Variants in ANO1 observed in about 807,000 individuals in gnomAD.
ANO1 encodes the protein anoctamin-1.
In ANO1, 59 loss-of-function variants were observed where a neutral mutation model predicts 124.0. That is an observed-to-expected ratio of 0.48 (90% CI 0.39 to 0.59). The LOEUF is 0.59. Among genes scored for constraint, ANO1 ranks in the 20% least tolerant of loss-of-function variants. The probability of loss-of-function intolerance (pLI) is 0.00; values close to 1 mark genes in which losing one functional copy is unlikely to be tolerated. For missense variants in ANO1, 1,059 were observed against 1,328.0 expected (o/e 0.80, Z 3.15); for synonymous variants, 529 against 532.0 (o/e 0.99, Z 0.08).
the ANO1 span, among the ~76,000 whole-genome samples, chr11:69,966,157 T>C: frequency 6.6e-6 from 1 of 152,172 alleles, no homozygotes; most frequent in Admixed American, 6.5e-5. Context: ...CTCAGGGGGT[T>C]AATGCAGGCT....
At chr11:70,029,140 G>A in intron 1 of ANO1, among the ~76,000 whole-genome samples, 1 of 152,212 alleles carries the variant, frequency 6.6e-6, no homozygotes, top group Non-Finnish European at 1.5e-5. Context: ...CCCTGTGGGT[G>A]CTCGATGCAT....
chr11:70,030,372 C>T (rs752653993), intron 1 of ANO1, among the ~76,000 whole-genome samples: 2 of 152,180 alleles, frequency 1.3e-5, no homozygotes, highest in Admixed American at 6.5e-5. Flanking sequence ...GACTGTAGCT[C>T]GGAGCTGCTA....
intron 20 of ANO1, among the ~76,000 whole-genome samples, chr11:70,166,043 A>G (rs2135735706): frequency 6.6e-6 from 1 of 152,044 alleles, no homozygotes; most frequent in East Asian, 2.0e-4. Flanking sequence ...AGGGCCGCGC[A>G]CAGTGGCTCA....
At chr11:69,978,766 G>A in the ANO1 span, among the ~76,000 whole-genome samples, 7 of 152,282 alleles carry the variant, frequency 4.6e-5, no homozygotes, top group East Asian at 7.7e-4. Flanking sequence ...TATTCAGGAC[G>A]AATTGAATTA....
At chr11:70,103,884 C>T (rs2045379745) in intron 3 of ANO1, 115 bp from the exon 4 acceptor site, 1 of 1,208,796 alleles carries the variant, frequency 8.3e-7, no homozygotes, top group African/African-American at 1.5e-5. Flanking sequence ...GTGCTCTGCT[C>T]TCAGGACGCC....
At chr11:70,088,507 CAAAA>C (rs35498359) in intron 2 of ANO1, among the ~76,000 whole-genome samples, 1 of 132,620 alleles carries the variant, frequency 7.5e-6, no homozygotes, top group Non-Finnish European at 1.6e-5. Flanking sequence ...GACTCTGCCT[CAAAA>C]AAAAAAAAAA....
At chr11:70,187,410 C>T (rs1318004567) in intron 25 of ANO1, among the ~76,000 whole-genome samples, 3 of 152,252 alleles carry the variant, frequency 2.0e-5, no homozygotes, top group Non-Finnish European at 4.4e-5. Context: ...CATGTTTTTC[C>T]CCAAAGGCTC....
At chr11:70,079,986 C>G (rs2044155448) in intron 1 of ANO1, among the ~76,000 whole-genome samples, 1 of 152,216 alleles carries the variant, frequency 6.6e-6, no homozygotes, top group Non-Finnish European at 1.5e-5. Flanking sequence ...ACTCACAGGA[C>G]TGGCCGGAGG....
Position 70,179,124 on chromosome 11 carries a change from CA to C in ANO1, c.2351-879del, listed in dbSNP as rs546550148. On this transcript the variant is annotated intron_variant, in intron 22 of 25. Transcript: ENST00000355303. The stretch of plus-strand genomic sequence containing the variant: ...ACAGCTCTCCCTGTAGCCTCCTGCA[CA>C]GGTAGGATGTCCACTTGCTCCATCC... Among the ~76,000 whole-genome samples the C allele has an allele frequency of 1.8e-4, 28 of 152,348 alleles. No homozygotes were observed. In the South Asian group the frequency reaches 5.8e-3, roughly 32 times the overall value.
At chr11:70,122,187 CTT>C (rs1565222523) in intron 8 of ANO1, among the ~76,000 whole-genome samples, 5 of 122,146 alleles carry the variant, frequency 4.1e-5, no homozygotes, top group Admixed American at 8.4e-5. Context: ...CTCTGTCTGT[CTT>C]TCTGTCTCTC....
At chr11:69,979,072 G>A in the ANO1 span, among the ~76,000 whole-genome samples, 6 of 152,182 alleles carry the variant, frequency 3.9e-5, no homozygotes, top group African/African-American at 9.7e-5. Context: ...GCCTCTAGAT[G>A]TTAGTCATAC....
intron 2 of ANO1, among the ~76,000 whole-genome samples, chr11:70,095,352 AAGAAAGAAAGAAAGAAAG>A (rs2044857671): frequency 1.6e-4 from 2 of 12,398 alleles, no homozygotes; most frequent in African/African-American, 3.1e-4. Context: ...AAGAAAAAGA[AAGAAAGAAAGAAAGAAAG>A]AAAGAAAGAA....
intron 1 of ANO1, among the ~76,000 whole-genome samples, chr11:70,025,696 TG>T: frequency 9.4e-6 from 1 of 105,912 alleles, no homozygotes; most frequent in Non-Finnish European, 1.9e-5. Context: ...ACGATGATGA[TG>T]GTGGTGGTGA....
intron 1 of ANO1, among the ~76,000 whole-genome samples, chr11:70,081,785 G>C (rs1399190514): frequency 6.6e-6 from 1 of 152,186 alleles, no homozygotes; most frequent in South Asian, 2.1e-4. Context: ...CATAGAGGCA[G>C]GTGTGGACCA....
intron 11 of ANO1, among the ~76,000 whole-genome samples, chr11:70,147,193 G>A (rs2047413845): frequency 6.6e-6 from 1 of 152,246 alleles, no homozygotes; most frequent in Admixed American, 6.5e-5. Flanking sequence ...AGGACAGAAA[G>A]AGGCAGCTCT....
chr11:70,020,576 G>A (rs782139624), intron 1 of ANO1, among the ~76,000 whole-genome samples: 6 of 152,178 alleles, frequency 3.9e-5, no homozygotes, highest in Admixed American at 6.5e-5. Context: ...GTCACCAGAC[G>A]GGTATTTGTC....
At chr11:70,003,466 G>A (rs76966063) in intron 1 of ANO1, among the ~76,000 whole-genome samples, 112 of 152,270 alleles carry the variant, frequency 7.4e-4, no homozygotes, top group African/African-American at 2.6e-3. Flanking sequence ...TTCTTGTATG[G>A]AAAGTGTTCC....
intron 22 of ANO1, among the ~76,000 whole-genome samples, chr11:70,171,310 C>T (rs572996979): frequency 1.3e-5 from 2 of 152,260 alleles, no homozygotes; most frequent in South Asian, 4.1e-4. Flanking sequence ...TCTCAACAAC[C>T]TGCTGCTTTA....
chr11:70,085,514 A>C (rs1479852138), intron 1 of ANO1: 1 of 1,535,970 alleles, frequency 6.5e-7, no homozygotes, highest in East Asian at 2.4e-5. Context: ...TCCTGCCGGC[A>C]CCAGATGCTG....
Sources: gnomAD v4.1 joint callset for allele counts (sites outside exome capture counted in the v4.1 genomes callset) on GRCh38, gnomAD v4.1.1 for gene constraint, MANE v1.5 for transcripts, NCBI Gene and HGNC (gene_info 2026-07-23, HGNC 2026-07-21) for gene names.